Variants in FLRT2 observed in about 807,000 individuals in gnomAD.
FLRT2 encodes the protein leucine-rich repeat transmembrane protein FLRT2.
FLRT2 carries 15 observed loss-of-function variants against 40.0 expected under a neutral mutation model. The observed-to-expected ratio is 0.38, with a 90% CI of 0.25 to 0.58. The LOEUF (loss-of-function observed/expected upper bound fraction) is 0.58, where lower values mean the gene tolerates loss of function less well. Ranked by LOEUF, FLRT2 falls within the 20% of genes least tolerant of loss-of-function variation. The pLI is 0.71. For missense variants in FLRT2, 726 were observed against 840.0 expected (o/e 0.86, Z 1.68); for synonymous variants, 380 against 336.8 (o/e 1.13, Z -1.41).
intron 1 of FLRT2, among the ~76,000 whole-genome samples, chr14:85,593,814 G>A (rs1157116102): frequency 6.6e-6 from 1 of 152,124 alleles, no homozygotes; most frequent in Non-Finnish European, 1.5e-5. Flanking sequence ...GTTCAAGGCA[G>A]GCGGATCACT....
chr14:85,611,419 T>C (rs1220800208), intron 1 of FLRT2, among the ~76,000 whole-genome samples: 1 of 152,206 alleles, frequency 6.6e-6, no homozygotes, highest in African/African-American at 2.4e-5. Context: ...AAAGAATTGG[T>C]TTATAATTAT....
At chr14:85,613,430 A>G (rs999828324) in intron 1 of FLRT2, among the ~76,000 whole-genome samples, 1 of 152,168 alleles carries the variant, frequency 6.6e-6, no homozygotes, top group Admixed American at 6.5e-5. Flanking sequence ...AAGGTCATCT[A>G]GTTTCTTTAT....
intron 1 of FLRT2, among the ~76,000 whole-genome samples, chr14:85,570,561 T>TTTTATTTATTTA (rs10684274): frequency 0.019 from 2,710 of 139,264 alleles, 47 homozygotes; most frequent in African/African-American, 0.024. Flanking sequence ...TTTTTATTTA[T>TTTTATTTATTTA]TTTATTTATT....
At chr14:85,605,836 A>G (rs1892584388) in intron 1 of FLRT2, among the ~76,000 whole-genome samples, 1 of 152,198 alleles carries the variant, frequency 6.6e-6, no homozygotes, top group Admixed American at 6.5e-5. Context: ...TTAATTGGCC[A>G]ATCTTTTGAC....
chr14:85,593,559 G>A (rs1479643801), intron 1 of FLRT2, among the ~76,000 whole-genome samples: 4 of 152,084 alleles, frequency 2.6e-5, no homozygotes, highest in Non-Finnish European at 2.9e-5. Context: ...AAGAACCAAG[G>A]TATTGTTGGG....
chr14:85,610,081 C>A (rs997210010), intron 1 of FLRT2, among the ~76,000 whole-genome samples: 1 of 152,118 alleles, frequency 6.6e-6, no homozygotes, highest in Non-Finnish European at 1.5e-5. Flanking sequence ...AGTCAAGAGA[C>A]CCTTCTAATT....
At chr14:85,611,993 C>T (rs1160532688) in intron 1 of FLRT2, among the ~76,000 whole-genome samples, 1 of 142,090 alleles carries the variant, frequency 7.0e-6, no homozygotes, top group Admixed American at 7.3e-5. Context: ...TGTGTTGCCT[C>T]CCTCTGGTGG....
In FLRT2 at chr14:85,626,201, CTT is replaced by C. The variant is rs1368753185; in HGVS notation, c.*2705_*2706del. 1.2e-5 allele frequency: 2 copies of C among 167,046 alleles called. No individual in the cohort carries two copies. Among genetic ancestry groups the C allele is most frequent in the Non-Finnish European group, 2.9e-5 (2 of 68,118 alleles). 10.3% of individuals were successfully genotyped at this position (167,046 alleles called of 1,614,324 possible). Reference sequence around the variant, plus strand: ...ATGGAATCTGTGATGTCTAATGTGTCTTATGAAAATTGCCAAACAACTGTCCC... The same window carrying C: ...ATGGAATCTGTGATGTCTAATGTGTCATGAAAATTGCCAAACAACTGTCCC... On this transcript the variant is annotated 3_prime_UTR_variant, in exon 2 of 2. Coordinates refer to ENST00000330753, the MANE Select transcript of FLRT2 (RefSeq NM_013231.6).
At chr14:85,566,092 T>C (rs1890603647) in intron 1 of FLRT2, among the ~76,000 whole-genome samples, 1 of 152,274 alleles carries the variant, frequency 6.6e-6, no homozygotes, top group Middle Eastern at 3.4e-3. Context: ...TAAACCTGTA[T>C]AGGAAAATGA....
rs1178985458 is a variant in FLRT2, at chr14:85,652,808, A to G, written c.*29311A>G. 1 of 149,304 alleles carries G rather than the reference A, an allele frequency of 6.7e-6. No homozygotes were observed. Among genetic ancestry groups the G allele is most frequent in the African/African-American group, 2.4e-5 (1 of 41,366 alleles). The allele number at this position is 149,304 out of a possible 1,614,324, so 9.2% of individuals were successfully genotyped here. A position where few individuals can be genotyped will look rare whatever the true frequency, so the allele number is the denominator to read the frequency against. On this transcript the variant is annotated 3_prime_UTR_variant, in exon 2 of 2. Coordinates refer to ENST00000330753, the MANE Select transcript of FLRT2 (RefSeq NM_013231.6). ...TGAGTTTTCTTTTTCTATTATTTAA[A>G]AAAGTTTTTGCTTGGCAAATCTTCC...
intron 1 of FLRT2, among the ~76,000 whole-genome samples, chr14:85,614,742 T>C (rs1057013755): frequency 6.6e-6 from 1 of 152,080 alleles, no homozygotes; most frequent in Admixed American, 6.5e-5. Context: ...ACCCTCAGGT[T>C]TGGGGAACCA....
chr14:85,598,217 T>G (rs1275094232), intron 1 of FLRT2, among the ~76,000 whole-genome samples: 2 of 152,206 alleles, frequency 1.3e-5, no homozygotes, highest in Non-Finnish European at 1.5e-5. Context: ...ATAAGCTTGT[T>G]GCAAGGAGAT....
chr14:85,652,940 C>T lies in FLRT2; in HGVS notation c.*29443C>T, dbSNP rs553480588. 7.2e-5 allele frequency: 11 copies of T among 152,122 alleles called. No homozygotes were observed. Among genetic ancestry groups the T allele is most frequent in the East Asian group, 1.9e-4 (1 of 5,158 alleles). 9.4% of individuals were successfully genotyped at this position (152,122 alleles called of 1,614,324 possible). A position where few individuals can be genotyped will look rare whatever the true frequency, so the allele number is the denominator to read the frequency against. Reference sequence around the variant, plus strand: ...AGAACTGTGAACTTTTCGATTTGTTCGGCTTGGGGAATGTCATAGTTCATT... The same window carrying T: ...AGAACTGTGAACTTTTCGATTTGTTTGGCTTGGGGAATGTCATAGTTCATT... On this transcript the variant is annotated 3_prime_UTR_variant, in exon 2 of 2. Coordinates refer to ENST00000330753, the MANE Select transcript of FLRT2 (RefSeq NM_013231.6).
chr14:85,566,175 A>G (rs1320325808), intron 1 of FLRT2, among the ~76,000 whole-genome samples: 1 of 152,150 alleles, frequency 6.6e-6, no homozygotes, highest in Non-Finnish European at 1.5e-5. Context: ...GATGATTCAT[A>G]CACTGGAGAT....
chr14:85,648,166 A>G lies in FLRT2; in HGVS notation c.*24669A>G, dbSNP rs967176963. 1.7e-4 allele frequency: 26 copies of G among 152,128 alleles called. No homozygotes were observed. Among genetic ancestry groups the G allele is most frequent in the African/African-American group, 5.3e-4 (22 of 41,438 alleles). 9.4% of individuals were successfully genotyped at this position (152,128 alleles called of 1,614,324 possible). On this transcript the variant is annotated 3_prime_UTR_variant, in exon 2 of 2. Coordinates refer to ENST00000330753, the MANE Select transcript of FLRT2 (RefSeq NM_013231.6). The stretch of plus-strand genomic sequence containing the variant: ...TTGGGGACAGTGTAAGCCTCATTCT[A>G]ATTGCATAAGGAATAGTTACTGTAT...
chr14:85,636,086 G>C lies in FLRT2; in HGVS notation c.*12589G>C, dbSNP rs1893991557. On this transcript the variant is annotated 3_prime_UTR_variant, in exon 2 of 2. Transcript: ENST00000330753. ...ATCATTACCTGTTCTTTCATAAGCT[G>C]TTATTTATGCTTCTCATTAATTAGT... 6.6e-6 allele frequency: 1 copy of C among 151,878 alleles called. No individual in the cohort carries two copies. The highest frequency in any genetic ancestry group is 1.5e-5 in the Non-Finnish European group (1 of 67,916). The allele number at this position is 151,878 out of a possible 1,614,324, so 9.4% of individuals were successfully genotyped here. A position where few individuals can be genotyped will look rare whatever the true frequency, so the allele number is the denominator to read the frequency against.
intron 1 of FLRT2, among the ~76,000 whole-genome samples, chr14:85,577,925 C>T (rs1176197118): frequency 3.3e-5 from 5 of 151,246 alleles, no homozygotes; most frequent in South Asian, 2.1e-4. Flanking sequence ...AGGACTTGCG[C>T]GAGAAGGTCG....
intron 1 of FLRT2, among the ~76,000 whole-genome samples, 185 bp downstream of exon 1, chr14:85,530,719 G>A (rs1888222073): frequency 6.6e-6 from 1 of 151,930 alleles, no homozygotes; most frequent in African/African-American, 2.4e-5. Context: ...GCTCTCTCTC[G>A]ACTTTGGGGA....
At position 85,535,892 on chromosome 14, in the gene FLRT2, G is replaced by GTTTTGTTTTTTTTTTT. The variant is rs1566713949; in HGVS notation, c.-377+5362_-377+5363insGTTTTTTTTTTTTTTT. ...ACAAACCTAGCATGGAAGGAATGCT[G>GTTTTGTTTTTTTTTTT]TTTTTTTTTTTTTTTTTTTTTTTTT... On this transcript the variant is annotated intron_variant, in intron 1 of 1. Transcript: ENST00000330753. Among the ~76,000 whole-genome samples the GTTTTGTTTTTTTTTTT allele has an allele frequency of 8.6e-5, 5 of 57,906 alleles. 1 individual carries two copies. Among genetic ancestry groups the GTTTTGTTTTTTTTTTT allele is most frequent in the Admixed American group, 2.3e-4 (1 of 4,416 alleles). 38.0% of individuals were successfully genotyped at this position (57,906 alleles called of 152,430 possible).
Sources: allele counts gnomAD v4.1 joint callset (sites outside exome capture counted in the v4.1 genomes callset), GRCh38; gene constraint gnomAD v4.1.1; transcripts MANE v1.5; gene names NCBI Gene and HGNC (gene_info 2026-07-23, HGNC 2026-07-21).